TBC1D31: variants seen among roughly 807,000 people sequenced by gnomAD.
TBC1D31 encodes the protein TBC1 domain family member 31.
A neutral mutation model predicts 132.9 loss-of-function variants in TBC1D31; 99 were observed. The ratio of observed to expected loss-of-function variants is 0.74; its 90% CI spans 0.63 to 0.88. The LOEUF (loss-of-function observed/expected upper bound fraction) is 0.88. Among genes scored for constraint, TBC1D31 ranks in the 40% least tolerant of loss-of-function variants. The pLI is 0.00. For synonymous variants in TBC1D31, 385 were observed against 419.4 expected, an observed-to-expected ratio of 0.92 and a Z score of 1.00; for missense variants, 1,134 against 1,256.6, an observed-to-expected ratio of 0.90 and a Z score of 1.48.
intron 5 of TBC1D31, among the ~76,000 whole-genome samples, chr8:123,096,385 C>G (rs79774070): frequency 0.013 from 1,938 of 152,244 alleles, 45 homozygotes; most frequent in African/African-American, 0.044. Context: ...AACCTTATTG[C>G]TTTTTCAGCA....
intron 1 of TBC1D31, among the ~76,000 whole-genome samples, chr8:123,074,745 G>C (rs1411965855): frequency 6.6e-6 from 1 of 152,192 alleles, no homozygotes; most frequent in African/African-American, 2.4e-5. Context: ...CACTGACTTG[G>C]AGTCAGATGT....
intron 7 of TBC1D31, among the ~76,000 whole-genome samples, chr8:123,104,866 C>T (rs1817770694): frequency 6.6e-6 from 1 of 152,120 alleles, no homozygotes; most frequent in African/African-American, 2.4e-5. Context: ...TGGCAGTTTC[C>T]TCTTAGAAAT....
At chr8:123,124,135 A>T (rs182144384) in intron 11 of TBC1D31, among the ~76,000 whole-genome samples, 5 of 151,798 alleles carry the variant, frequency 3.3e-5, no homozygotes, top group African/African-American at 1.2e-4. Flanking sequence ...GCACAATTTT[A>T]AAAAATTTAC....
downstream of TBC1D31, among the ~76,000 whole-genome samples, chr8:123,155,681 CAGG>C (rs1822970013): frequency 6.6e-6 from 1 of 152,180 alleles, no homozygotes; most frequent in Non-Finnish European, 1.5e-5. This position sits in a 1 kb window ranked among gnomAD's most constrained non-coding sequence, Gnocchi z 4.1. Flanking sequence ...AAGGGGAGGC[CAGG>C]TCCCCCTGAG....
At chr8:123,076,239 C>T (rs758629474) in intron 1 of TBC1D31, among the ~76,000 whole-genome samples, 2 of 152,070 alleles carry the variant, frequency 1.3e-5, no homozygotes, top group Non-Finnish European at 2.9e-5. Context: ...TAACTGGGAT[C>T]ACAGGCACAT....
chr8:123,097,967 C>CGCTT (rs1181484078), intron 6 of TBC1D31: 1 of 152,262 alleles, frequency 6.6e-6, no homozygotes, highest in East Asian at 1.9e-4. Flanking sequence ...CATCCCCCTT[C>CGCTT]GCTTATTCCT....
At chr8:123,113,632 GCTTTATATA>G (rs1333356228) in intron 10 of TBC1D31, among the ~76,000 whole-genome samples, 1 of 152,076 alleles carries the variant, frequency 6.6e-6, no homozygotes, top group Non-Finnish European at 1.5e-5. Flanking sequence ...AAGCTGTTAC[GCTTTATATA>G]CTTATATGCC....
At chr8:123,141,711 A>G (rs1334845689) in intron 18 of TBC1D31, among the ~76,000 whole-genome samples, 1 of 151,960 alleles carries the variant, frequency 6.6e-6, no homozygotes, top group Non-Finnish European at 1.5e-5. Context: ...GCTTGTGTCC[A>G]GTCTGTTAAA....
At chr8:123,152,459 C>T (rs1041771726), downstream of TBC1D31, among the ~76,000 whole-genome samples, 4 of 152,174 alleles carry the variant, frequency 2.6e-5, no homozygotes, top group African/African-American at 9.7e-5. Flanking sequence ...CTTCTTCTGG[C>T]AGCACCGACT....
At chr8:123,105,507 A>G in intron 8 of TBC1D31, 43 bp downstream of exon 8, 2 of 1,530,854 alleles carry the variant, frequency 1.3e-6, no homozygotes, top group Non-Finnish European at 1.8e-6. Flanking sequence ...ATTCTGCTGT[A>G]GACAAGTCTT....
At chr8:123,118,784 G>A (rs147005864) in intron 10 of TBC1D31, among the ~76,000 whole-genome samples, 1,888 of 152,268 alleles carry the variant, frequency 0.012, 12 homozygotes, top group Admixed American at 0.018. Flanking sequence ...CCAGGTTGGA[G>A]TGCAGTGGTG....
intron 1 of TBC1D31, 99 bp downstream of exon 1, chr8:123,072,945 C>A (rs1814057588): frequency 2.4e-6 from 3 of 1,231,016 alleles, no homozygotes; most frequent in Non-Finnish European, 2.3e-6. Context: ...CTGGCTCTGA[C>A]CTTGCCCCGC....
intron 5 of TBC1D31, among the ~76,000 whole-genome samples, chr8:123,094,078 T>C (rs1036065522): frequency 1.4e-4 from 22 of 152,166 alleles, no homozygotes; most frequent in Admixed American, 5.9e-4. Flanking sequence ...CTTTTCTTTT[T>C]TTTTTAAATG....
At chr8:123,163,451 A>G in the TBC1D31 span, among the ~76,000 whole-genome samples, 3 of 127,190 alleles carry the variant, frequency 2.4e-5, no homozygotes, top group Admixed American at 1.9e-4. Context: ...TGCAACCTCC[A>G]CCTCCCCAGC....
At chr8:123,087,638 G>T (rs1435225250) in intron 4 of TBC1D31, among the ~76,000 whole-genome samples, 2 of 152,184 alleles carry the variant, frequency 1.3e-5, no homozygotes, top group African/African-American at 4.8e-5. Flanking sequence ...ACAGAGTTAT[G>T]AAACAATGAC....
In TBC1D31 at chr8:123,144,758, A is replaced by G. The variant is rs1395793195; in HGVS notation, c.2877A>G (p.Ala959=). 6 of 1,612,518 alleles carry G rather than the reference A, an allele frequency of 3.7e-6. No individual in the cohort carries two copies. In the South Asian group the frequency reaches 6.6e-5, roughly 18 times the overall value. The change falls in exon 20 of 22, where the codon GCA becomes GCG. Residue 959 remains alanine, a synonymous_variant. Transcript: ENST00000287380. ...AEGKEFRLRS[A]KKASALSDAS... is the part of the protein sequence containing the mutation. ...GAAAAGAGTTCCGTTTGAGATCAGCAAAGAAAGCTTCTGCTCTTTCAGATG... is the reference window on the plus strand; with the variant it reads ...GAAAAGAGTTCCGTTTGAGATCAGCGAAGAAAGCTTCTGCTCTTTCAGATG...
Position 123,084,884 on chromosome 8 carries a change from G to T in TBC1D31, c.519+544G>T, listed in dbSNP as rs541923513. Among the ~76,000 whole-genome samples the T allele has an allele frequency of 2.6e-5, 4 of 152,224 alleles. No individual in the cohort carries two copies. In the South Asian group the frequency reaches 8.3e-4, roughly 32 times the overall value. ...AACTTACTGTAACCTCTGCCTTACA[G>T]GTTCAAGCGATTCTCCTGCCTTAGC... On this transcript the variant is annotated intron_variant, in intron 4 of 21. Transcript: ENST00000287380.
intron 3 of TBC1D31, chr8:123,083,672 T>C (rs1815420205): frequency 6.5e-6 from 1 of 152,788 alleles, no homozygotes; most frequent in Non-Finnish European, 1.5e-5. Context: ...TGATCACTAA[T>C]ATTTTTTGTT....
At chr8:123,077,334 T>C (rs1814634227) in intron 2 of TBC1D31, 77 bp downstream of exon 2, 3 of 1,351,282 alleles carry the variant, frequency 2.2e-6, no homozygotes, top group South Asian at 2.9e-5. Flanking sequence ...TGCTATTCAT[T>C]ATTCATTCAG....
Sources: gnomAD v4.1 joint callset for allele counts (sites outside exome capture counted in the v4.1 genomes callset) on GRCh38, gnomAD v4.1.1 for gene constraint, Gnocchi (gnomAD v3.1) non-coding constraint, MANE v1.5 for transcripts, NCBI Gene and HGNC (gene_info 2026-07-23, HGNC 2026-07-21) for gene names.